Variants in PRKD1 observed in about 807,000 individuals in gnomAD.
PRKD1 encodes the protein serine/threonine-protein kinase D1.
A neutral mutation model predicts 95.9 loss-of-function variants in PRKD1; 63 were observed. That is an observed-to-expected ratio of 0.66 (90% CI 0.54 to 0.81). The LOEUF (loss-of-function observed/expected upper bound fraction) is 0.81. Among genes scored for constraint, PRKD1 ranks in the 30% least tolerant of loss-of-function variants. The probability of loss-of-function intolerance (pLI) is 0.00; values close to 1 mark genes in which losing one functional copy is unlikely to be tolerated. For missense variants in PRKD1, 1,048 were observed against 1,165.3 expected, an observed-to-expected ratio of 0.90 and a Z score of 1.47; for synonymous variants, 425 against 423.1, an observed-to-expected ratio of 1.00 and a Z score of -0.05.
rs1280946976 is a variant in PRKD1 at position 29,927,775 on chromosome 14, G to GGCCGCCGGCACTGGGGAGGCGCC, written c.-286_-264dup. 1.7e-5 allele frequency: 3 copies of GGCCGCCGGCACTGGGGAGGCGCC among 171,536 alleles called. No individual in the cohort carries two copies. Among genetic ancestry groups the GGCCGCCGGCACTGGGGAGGCGCC allele is most frequent in the Non-Finnish European group, 3.7e-5 (3 of 81,768 alleles). 10.6% of individuals were successfully genotyped at this position (171,536 alleles called of 1,614,324 possible). A position where few individuals can be genotyped will look rare whatever the true frequency, so the allele number is the denominator to read the frequency against. ...GCCCGGAACGCGGCAGCCGGCTCGGGGCCGCCGGCACTGGGGAGGCGCCGC... is the reference window on the plus strand; with the variant it reads ...GCCCGGAACGCGGCAGCCGGCTCGGGGCCGCCGGCACTGGGGAGGCGCCGCCGCCGGCACTGGGGAGGCGCCGC... On this transcript the variant is annotated 5_prime_UTR_variant, in exon 1 of 18. Coordinates refer to ENST00000331968, the MANE Select transcript of PRKD1 (RefSeq NM_002742.3).
chr14:29,888,493 G>A (rs1893819401), intron 1 of PRKD1, among the ~76,000 whole-genome samples: 1 of 152,130 alleles, frequency 6.6e-6, no homozygotes, highest in African/African-American at 2.4e-5. Flanking sequence ...CTTGAAACTT[G>A]GAACACGGGT....
chr14:29,584,344 A>G (rs1327809529), intron 16 of PRKD1, among the ~76,000 whole-genome samples: 1 of 152,188 alleles, frequency 6.6e-6, no homozygotes, highest in Non-Finnish European at 1.5e-5. Context: ...AAAGGCATCC[A>G]AAGCTTGCAG....
At chr14:29,810,302 C>T (rs561778633) in intron 1 of PRKD1, among the ~76,000 whole-genome samples, 133 of 152,240 alleles carry the variant, frequency 8.7e-4, no homozygotes, top group African/African-American at 3.1e-3. Flanking sequence ...TGCCACAAAC[C>T]TTGAATTGTA....
At chr14:29,804,684 T>C (rs1159623580) in intron 1 of PRKD1, among the ~76,000 whole-genome samples, 3 of 152,128 alleles carry the variant, frequency 2.0e-5, no homozygotes, top group Non-Finnish European at 2.9e-5. Context: ...ATGCAAGTCA[T>C]TGTTAGAAAG....
intron 1 of PRKD1, among the ~76,000 whole-genome samples, chr14:29,774,474 T>C (rs1391793111): frequency 1.3e-5 from 2 of 152,048 alleles, no homozygotes; most frequent in Admixed American, 6.6e-5. Context: ...ATAATAATAA[T>C]AACACTTACT....
intron 4 of PRKD1, among the ~76,000 whole-genome samples, chr14:29,645,206 A>T (rs1404122022): frequency 3.9e-5 from 6 of 152,174 alleles, no homozygotes; most frequent in Non-Finnish European, 1.5e-5. Context: ...AACAAGAATA[A>T]TCAAACAGTA....
intron 1 of PRKD1, among the ~76,000 whole-genome samples, chr14:29,748,039 C>A (rs1387583807): frequency 1.3e-5 from 2 of 152,110 alleles, no homozygotes. Flanking sequence ...CCACCACGCC[C>A]GGCCAAAAAC....
At position 29,663,878 on chromosome 14, in the gene PRKD1, A is replaced by G; in HGVS notation, c.536-19T>C. On this transcript the variant is annotated intron_variant, in intron 3 of 17. Transcript: ENST00000331968. The stretch of plus-strand genomic sequence containing the variant: ...CCACACCCTGGAAAGGGAAAATAAA[A>G]ATTATTTTTATTGAACCATAAATTA... 6.2e-7 allele frequency: 1 copy of G among 1,606,860 alleles called. No homozygotes were observed. The highest frequency in any genetic ancestry group is 8.5e-7 in the Non-Finnish European group (1 of 1,174,230).
At chr14:29,716,286 G>A (rs1220516454) in intron 2 of PRKD1, among the ~76,000 whole-genome samples, 3 of 152,162 alleles carry the variant, frequency 2.0e-5, no homozygotes, top group African/African-American at 4.8e-5. Flanking sequence ...AATTCTGTGT[G>A]AAGAGAGAAG....
At chr14:29,923,709 A>G (rs552753207) in intron 1 of PRKD1, among the ~76,000 whole-genome samples, 49 of 152,134 alleles carry the variant, frequency 3.2e-4, no homozygotes, top group Admixed American at 1.1e-3. Context: ...AGTACATTTA[A>G]GAGTAAAATA....
chr14:29,612,078 T>A (rs1044571836), intron 13 of PRKD1, among the ~76,000 whole-genome samples: 1 of 152,208 alleles, frequency 6.6e-6, no homozygotes, highest in Non-Finnish European at 1.5e-5. Context: ...ATCCTTCGGA[T>A]GTATTATATA....
At chr14:29,590,708 T>C (rs758347596) in intron 16 of PRKD1, among the ~76,000 whole-genome samples, 4 of 152,228 alleles carry the variant, frequency 2.6e-5, no homozygotes, top group Non-Finnish European at 5.9e-5. Flanking sequence ...TCCTATAGCC[T>C]GTAACCCCAT....
chr14:29,633,850 T>A (rs369728654), intron 8 of PRKD1, among the ~76,000 whole-genome samples: 1 of 152,188 alleles, frequency 6.6e-6, no homozygotes, highest in African/African-American at 2.4e-5. Flanking sequence ...AGGTAAGAGA[T>A]GAGAAAAGCA....
At chr14:29,667,109 T>C (rs191181345) in intron 2 of PRKD1, among the ~76,000 whole-genome samples, 238 of 152,270 alleles carry the variant, frequency 1.6e-3, no homozygotes, top group Non-Finnish European at 3.0e-3. Flanking sequence ...GTGGTGGATC[T>C]TTCCAGACCT....
At chr14:29,879,709 A>G in intron 1 of PRKD1, among the ~76,000 whole-genome samples, 1 of 152,160 alleles carries the variant, frequency 6.6e-6, no homozygotes, top group Non-Finnish European at 1.5e-5. Flanking sequence ...GGAACCTCCT[A>G]GAGACTTTGA....
intron 1 of PRKD1, among the ~76,000 whole-genome samples, chr14:29,909,606 G>C (rs147625024): frequency 6.6e-6 from 1 of 152,140 alleles, no homozygotes; most frequent in Admixed American, 6.5e-5. Flanking sequence ...AATCTGGTGG[G>C]GACTTGGAGA....
At chr14:29,864,640 TGTGA>T (rs1177702858) in intron 1 of PRKD1, among the ~76,000 whole-genome samples, 1 of 152,102 alleles carries the variant, frequency 6.6e-6, no homozygotes, top group Non-Finnish European at 1.5e-5. Context: ...TAAGAGAGAA[TGTGA>T]GTATGAGTGA....
chr14:29,601,461 C>G (rs1314197774), intron 13 of PRKD1, among the ~76,000 whole-genome samples: 1 of 152,156 alleles, frequency 6.6e-6, no homozygotes, highest in Non-Finnish European at 1.5e-5. Flanking sequence ...ACCCAATAGC[C>G]TTTAACCTCT....
chr14:29,817,990 T>C (rs561564014), intron 1 of PRKD1, among the ~76,000 whole-genome samples: 1 of 152,192 alleles, frequency 6.6e-6, no homozygotes, highest in South Asian at 2.1e-4. Flanking sequence ...GAGGTTATCA[T>C]AAACAATGAA....
Sources: allele counts gnomAD v4.1 joint callset (sites outside exome capture counted in the v4.1 genomes callset), GRCh38; gene constraint gnomAD v4.1.1; transcripts MANE v1.5; gene names NCBI Gene and HGNC (gene_info 2026-07-23, HGNC 2026-07-21).